The following ERVMER34-1 variants were observed in gnomAD, a reference collection of about 807,000 sequenced individuals.
ERVMER34-1 encodes endogenous retroviral envelope protein HEMO.
For synonymous variants in ERVMER34-1, 199 were observed against 111.7 expected (o/e 1.78, Z -4.93); for missense variants, 471 against 295.1 (o/e 1.60, Z -4.37).
At position 52,743,907 on chromosome 4, in the gene ERVMER34-1, G is replaced by T; in HGVS notation, c.1614C>A (p.Val538=). The change falls in exon 3 of 3, where the codon GTC becomes GTA. Residue 538 remains valine (V), a synonymous_variant. Transcript: ENST00000443173. ...LSPQQSAQLL[V]SETSCQVSNR... Reference sequence around the variant, plus strand: ...TTGAAACTTGACATGAAGTTTCACTGACAAGGAGCTGTGCTGATTGCTGTG... The same window carrying T: ...TTGAAACTTGACATGAAGTTTCACTTACAAGGAGCTGTGCTGATTGCTGTG... 7.0e-7 allele frequency: 1 copy of T among 1,432,800 alleles called. No homozygotes were observed. Among genetic ancestry groups the T allele is most frequent in the Non-Finnish European group, 9.5e-7 (1 of 1,052,294 alleles). 88.8% of individuals were successfully genotyped at this position (1,432,800 alleles called of 1,614,324 possible).
intron 2 of ERVMER34-1, 167 bp downstream of exon 2, chr4:52,750,763 C>A (rs1560438619): frequency 6.6e-6 from 1 of 152,460 alleles, no homozygotes; most frequent in Non-Finnish European, 1.5e-5. Flanking sequence ...GGGAAAGACA[C>A]CAGGATGGTC....
intron 2 of ERVMER34-1, among the ~76,000 whole-genome samples, chr4:52,749,623 T>G (rs1038834814): frequency 6.6e-6 from 1 of 152,016 alleles, no homozygotes. Flanking sequence ...GCCAACATGG[T>G]GAAATCCCAT....
chr4:52,750,174 T>G (rs1716250141), intron 2 of ERVMER34-1, among the ~76,000 whole-genome samples: 1 of 152,042 alleles, frequency 6.6e-6, no homozygotes, highest in Non-Finnish European at 1.5e-5. Context: ...AATTTTTGAA[T>G]TTTTAGTAGA....
Position 52,745,790 on chromosome 4 carries a change from G to T in ERVMER34-1, c.-270C>A. The T allele has an allele frequency of 2.2e-6, 1 of 451,762 alleles. No homozygotes were observed. Among genetic ancestry groups the T allele is most frequent in the Non-Finnish European group, 4.0e-6 (1 of 253,004 alleles). The allele number at this position is 451,762 out of a possible 1,614,324, so 28.0% of individuals were successfully genotyped here. On this transcript the variant is annotated 5_prime_UTR_variant, in exon 3 of 3. Transcript: ENST00000443173. Reference sequence around the variant, plus strand: ...CTTGGCCTTCCAGTTGTCATATAATGATCTCAATCTAGCTTCCTGTGGCTT... The same window carrying T: ...CTTGGCCTTCCAGTTGTCATATAATTATCTCAATCTAGCTTCCTGTGGCTT...
chr4:52,747,715 T>A (rs527498676), intron 2 of ERVMER34-1, among the ~76,000 whole-genome samples: 6 of 152,272 alleles, frequency 3.9e-5, no homozygotes, highest in African/African-American at 1.2e-4. Flanking sequence ...GCAAAACAGC[T>A]GCTTCTAATG....
Position 52,745,445 on chromosome 4 carries a change from G to A in ERVMER34-1, c.76C>T (p.His26Tyr), listed in dbSNP as rs1158538462. 1 of 703,994 alleles carries A rather than the reference G, an allele frequency of 1.4e-6. No homozygotes were observed. The highest frequency in any genetic ancestry group is 1.7e-5 in the African/African-American group (1 of 57,250). The allele number at this position is 703,994 out of a possible 1,614,324, so 43.6% of individuals were successfully genotyped here. The change falls in exon 3 of 3, where the codon CAC becomes TAC. Residue 26 changes from histidine to tyrosine, a missense_variant. His to Tyr is a moderately conservative substitution (Grantham distance 83, BLOSUM62 2). Transcript: ENST00000443173. ...AFLTILVQPQ[H>Y]LLAPVFRTLS... ...GTCCGGAAAACTGGAGCAAGCAGGT[G>A]CTGAGGTTGTACTAGAATTGTCAAA...
In ERVMER34-1 at chr4:52,744,044, CAT is replaced by C. The variant is rs1466295787; in HGVS notation, c.1475_1476del (p.Tyr492CysfsTer28). 1.4e-6 allele frequency: 1 copy of C among 706,674 alleles called. No homozygotes were observed. The highest frequency in any genetic ancestry group is 2.7e-5 in the East Asian group (1 of 37,300). 43.8% of individuals were successfully genotyped at this position (706,674 alleles called of 1,614,324 possible). On this transcript the variant is annotated frameshift_variant, in exon 3 of 3. Coordinates refer to ENST00000443173, the MANE Select transcript of ERVMER34-1 (RefSeq NM_001242690.2). LOFTEE classifies it low-confidence loss of function (END_TRUNC). Reference protein sequence around the residue: ...KVGDWFRSWGYVLLIVLFCLF... With the variant: ...KVGDWFRSWGXVLLIVLFCLF... ...AAGCAGAAAAGAACAATTAAAAGCA[CAT>C]AGCCCCATGATCTGAACCAGTCTCC...
rs367760420 is a variant in ERVMER34-1, at chr4:52,744,339, T to C, written c.1182A>G (p.Ala394=). 8.5e-6 allele frequency: 6 copies of C among 704,170 alleles called. No individual in the cohort carries two copies. In the African/African-American group the frequency reaches 1.0e-4, roughly 12 times the overall value. The allele number at this position is 704,170 out of a possible 1,614,324, so 43.6% of individuals were successfully genotyped here. A position where few individuals can be genotyped will look rare whatever the true frequency, so the allele number is the denominator to read the frequency against. ...LEKAILNISK[A]MEQEFSATKQ... ...TAGTGGCACTGAATTCCTGTTCCATTGCTTTGGAAATGTTTAGAATTGCCT... is the reference window on the plus strand; with the variant it reads ...TAGTGGCACTGAATTCCTGTTCCATCGCTTTGGAAATGTTTAGAATTGCCT... Residue 394 remains alanine, a synonymous_variant, in exon 3 of 3, where the codon GCA becomes GCG. Transcript: ENST00000443173.
intron 2 of ERVMER34-1, among the ~76,000 whole-genome samples, chr4:52,746,483 A>G (rs996692909): frequency 2.6e-5 from 4 of 152,262 alleles, no homozygotes; most frequent in African/African-American, 7.2e-5. Context: ...TGAATATCCA[A>G]GAGTTTTGCA....
At chr4:52,747,947 GA>G (rs1716192352) in intron 2 of ERVMER34-1, among the ~76,000 whole-genome samples, 1 of 152,234 alleles carries the variant, frequency 6.6e-6, no homozygotes, top group Non-Finnish European at 1.5e-5. Flanking sequence ...TGAGGCAGGA[GA>G]ATGGCATGAA....
At chr4:52,749,771 G>A (rs1716240780) in intron 2 of ERVMER34-1, among the ~76,000 whole-genome samples, 2 of 152,124 alleles carry the variant, frequency 1.3e-5, no homozygotes, top group Admixed American at 1.3e-4. Context: ...GCGAGGCTCT[G>A]TCTTAAACAA....
Position 52,743,980 on chromosome 4 carries a change from T to C in ERVMER34-1, c.1541A>G (p.Lys514Arg), listed in dbSNP as rs1716076688. 1.3e-6 allele frequency: 1 copy of C among 785,268 alleles called. No individual in the cohort carries two copies. The allele number at this position is 785,268 out of a possible 1,614,324, so 48.6% of individuals were successfully genotyped here. The change falls in exon 3 of 3, where the codon AAA becomes AGA. Residue 514 changes from lysine to arginine, a missense_variant. Coordinates refer to ENST00000443173, the MANE Select transcript of ERVMER34-1 (RefSeq NM_001242690.2). The stretch of plus-strand genomic sequence containing the variant: ...TTGGGAGTTAAGGGATCTGCGAGAT[T>C]TGCGAAAGACACGAACATAGATTAA... Reference protein sequence around the residue: ...FVLIYVRVFRKSRRSLNSQPL... With the variant: ...FVLIYVRVFRRSRRSLNSQPL...
Position 52,744,386 on chromosome 4 carries a change from A to G in ERVMER34-1, c.1135T>C (p.Leu379=), listed in dbSNP as rs1410851258. 1.4e-6 allele frequency: 1 copy of G among 704,116 alleles called. No homozygotes were observed. Among genetic ancestry groups the G allele is most frequent in the South Asian group, 1.5e-5 (1 of 67,594 alleles). 43.6% of individuals were successfully genotyped at this position (704,116 alleles called of 1,614,324 possible). ...NSTIRALFPS[L]GTYDLEKAIL... ...GCCTTTTCTAAATCATAAGTTCCCA[A>G]ACTTGGAAAAAGGGCCCTTATTGTT... The change falls in exon 3 of 3, where the codon TTG becomes CTG. Residue 379 remains leucine (L), a synonymous_variant. Coordinates refer to ENST00000443173, the MANE Select transcript of ERVMER34-1 (RefSeq NM_001242690.2).
rs779743517 is a variant in ERVMER34-1 at position 52,745,530 on chromosome 4, A to G, written c.-10T>C. On this transcript the variant is annotated 5_prime_UTR_variant, in exon 3 of 3. Transcript: ENST00000443173. ...TTGAAAGGGAGCCCATAGTGGAGGAACAGGCTAGATTAAAACAAGCAAACT... is the reference window on the plus strand; with the variant it reads ...TTGAAAGGGAGCCCATAGTGGAGGAGCAGGCTAGATTAAAACAAGCAAACT... 8 of 701,846 alleles carry G rather than the reference A, an allele frequency of 1.1e-5. No homozygotes were observed. Among genetic ancestry groups the G allele is most frequent in the Non-Finnish European group, 1.8e-5 (7 of 383,604 alleles). 43.5% of individuals were successfully genotyped at this position (701,846 alleles called of 1,614,324 possible). A position where few individuals can be genotyped will look rare whatever the true frequency, so the allele number is the denominator to read the frequency against.
In ERVMER34-1 at chr4:52,744,706, C is replaced by T. The variant is rs1172709585; in HGVS notation, c.815G>A (p.Gly272Asp). Residue 272 changes from glycine to aspartate, a missense_variant, in exon 3 of 3, where the codon GGT becomes GAT. Gly to Asp is a moderately conservative substitution (Grantham distance 94). Transcript: ENST00000443173. ...GGTGGGGGTCCGGTGTCCATCATGA[C>T]CTTTGTCATTAGTTATGCTGGCATC... Reference protein sequence around the residue: ...CADASITNDKGHDGHRTPTWW... With the variant: ...CADASITNDKDHDGHRTPTWW... 4.3e-6 allele frequency: 3 copies of T among 704,026 alleles called. No individual in the cohort carries two copies. Among genetic ancestry groups the T allele is most frequent in the Non-Finnish European group, 7.8e-6 (3 of 385,022 alleles). The allele number at this position is 704,026 out of a possible 1,614,324, so 43.6% of individuals were successfully genotyped here.
chr4:52,748,734 C>T (rs999280170), intron 2 of ERVMER34-1, among the ~76,000 whole-genome samples: 1 of 152,172 alleles, frequency 6.6e-6, no homozygotes, highest in Non-Finnish European at 1.5e-5. Flanking sequence ...CCCCACACAC[C>T]TGTTTTTATT....
Position 52,743,968 on chromosome 4 carries a change from G to T in ERVMER34-1, c.1553C>A (p.Ser518Tyr). The change falls in exon 3 of 3, where the codon TCC (serine) becomes TAC (tyrosine). Residue 518 changes from serine to tyrosine, a missense_variant. Physicochemically the swap from Ser to Tyr is moderately radical, Grantham distance 144. Coordinates refer to ENST00000443173, the MANE Select transcript of ERVMER34-1 (RefSeq NM_001242690.2). ...TAGGTTCAGAGGTTGGGAGTTAAGGGATCTGCGAGATTTGCGAAAGACACG... is the reference window on the plus strand; with the variant it reads ...TAGGTTCAGAGGTTGGGAGTTAAGGTATCTGCGAGATTTGCGAAAGACACG... ...YVRVFRKSRRSLNSQPLNLAL... is the reference protein window; with the variant it reads ...YVRVFRKSRRYLNSQPLNLAL... The T allele has an allele frequency of 1.2e-6, 1 of 858,378 alleles. No homozygotes were observed. The highest frequency in any genetic ancestry group is 1.9e-6 in the Non-Finnish European group (1 of 526,264). The allele number at this position is 858,378 out of a possible 1,614,324, so 53.2% of individuals were successfully genotyped here.
rs1716139075 is a variant in ERVMER34-1 at position 52,745,678 on chromosome 4, G to A, written c.-158C>T. ...GAGATGGAGATGAAGTTCTTGGTCT[G>A]AGATACTGAGTAAAGCTGTCTACTT... On this transcript the variant is annotated 5_prime_UTR_variant, in exon 3 of 3. Coordinates refer to ENST00000443173, the MANE Select transcript of ERVMER34-1 (RefSeq NM_001242690.2). 3 of 607,354 alleles carry A rather than the reference G, an allele frequency of 4.9e-6. No homozygotes were observed. Among genetic ancestry groups the A allele is most frequent in the Non-Finnish European group, 8.7e-6 (3 of 343,076 alleles). The allele number at this position is 607,354 out of a possible 1,614,324, so 37.6% of individuals were successfully genotyped here.
At position 52,744,976 on chromosome 4, in the gene ERVMER34-1, C is replaced by T. The variant is rs1186649603; in HGVS notation, c.545G>A (p.Arg182Lys). The T allele has an allele frequency of 2.8e-6, 2 of 704,042 alleles. No homozygotes were observed. The highest frequency in any genetic ancestry group is 3.5e-5 in the African/African-American group (2 of 57,260). 43.6% of individuals were successfully genotyped at this position (704,042 alleles called of 1,614,324 possible). Residue 182 changes from arginine (R) to lysine (K), a missense_variant, in exon 3 of 3, where the codon AGA (arginine) becomes AAA (lysine). Coordinates refer to ENST00000443173, the MANE Select transcript of ERVMER34-1 (RefSeq NM_001242690.2). ...DDDTSVCLGT[R>K]QCSWFAGCTN... The stretch of plus-strand genomic sequence containing the variant: ...GCAACCTGCAAACCAGGAACATTGT[C>T]TAGTGCCTAGGCAAACACTTGTATC...
Sources: allele counts gnomAD v4.1 joint callset (sites outside exome capture counted in the v4.1 genomes callset), GRCh38; gene constraint gnomAD v4.1.1; transcripts MANE v1.5; gene names NCBI Gene and HGNC (gene_info 2026-07-23, HGNC 2026-07-21).